Variants in UHRF2 observed in about 807,000 individuals in gnomAD.
UHRF2 encodes the protein ubiquitin like with PHD and ring finger domains 2.
In UHRF2, 23 loss-of-function variants were observed where a neutral mutation model predicts 96.8. That is an observed-to-expected ratio of 0.24 (90% CI 0.17 to 0.34). The LOEUF (loss-of-function observed/expected upper bound fraction) is 0.34. Among genes scored for constraint, UHRF2 ranks in the 10% least tolerant of loss-of-function variants. UHRF2 has a pLI of 1.00. For synonymous variants in UHRF2, 385 were observed against 332.6 expected (o/e 1.16, Z -1.72); for missense variants, 685 against 981.5 (o/e 0.70, Z 4.04).
In UHRF2 at chr9:6,426,992, C is replaced by CCTCAGGTGATCAA. The variant is rs1469898403; in HGVS notation, c.384+5852_384+5853insCAGGTGATCAACT. Among the ~76,000 whole-genome samples, 6 of 151,846 alleles carry CCTCAGGTGATCAA rather than the reference C, an allele frequency of 4.0e-5. No homozygotes were observed. In the East Asian group the frequency reaches 1.2e-3, roughly 29 times the overall value. ...TTGAACTCCTGACCTCAGGTGATCA[C>CCTCAGGTGATCAA]CTGCCTCGGCCTCCCAAAGTGCTGG... On this transcript the variant is annotated intron_variant, in intron 2 of 15. Transcript: ENST00000276893.
chr9:6,434,250 TTAAA>T (rs1285818587), intron 3 of UHRF2, 77 bp downstream of exon 3: 3 of 1,473,748 alleles, frequency 2.0e-6, no homozygotes, highest in Non-Finnish European at 2.7e-6. Flanking sequence ...CAAGATTATT[TTAAA>T]TAGTCTTTCT....
chr9:6,490,453 C>T (rs531983632), intron 9 of UHRF2, among the ~76,000 whole-genome samples: 1 of 152,252 alleles, frequency 6.6e-6, no homozygotes, highest in East Asian at 1.9e-4. Context: ...CATGATGAAA[C>T]TCCGTCTCTA....
chr9:6,466,580 A>T (rs958026826), intron 4 of UHRF2, among the ~76,000 whole-genome samples: 3 of 145,900 alleles, frequency 2.1e-5, no homozygotes, highest in African/African-American at 7.5e-5. Flanking sequence ...AAAGCTACAG[A>T]TGCATTTTAG....
At chr9:6,497,892 C>T (rs1587881315) in intron 11 of UHRF2, 126 bp from the exon 12 acceptor site, 1 of 1,200,344 alleles carries the variant, frequency 8.3e-7, no homozygotes, top group East Asian at 2.4e-5. Flanking sequence ...GACTTACTGT[C>T]CTTACAGCAA....
At chr9:6,495,468 C>G (rs865961858) in intron 10 of UHRF2, 2 of 152,214 alleles carry the variant, frequency 1.3e-5, no homozygotes, top group Non-Finnish European at 2.9e-5. Flanking sequence ...AGGCACTTTG[C>G]TCTGACCCAT....
At chr9:6,417,682 A>G (rs1292452040) in intron 1 of UHRF2, among the ~76,000 whole-genome samples, 1 of 152,190 alleles carries the variant, frequency 6.6e-6, no homozygotes, top group African/African-American at 2.4e-5. Context: ...TCTGGGTTTA[A>G]AAAGCCTGTC....
chr9:6,462,637 G>A lies in UHRF2; in HGVS notation c.863+1846G>A, dbSNP rs370001281. ...GCTTGCTATTAAAAAAAGATTTCCTGGCTGGGTGCAGTGGCTCATGCCTGT... is the reference window on the plus strand; with the variant it reads ...GCTTGCTATTAAAAAAAGATTTCCTAGCTGGGTGCAGTGGCTCATGCCTGT... On this transcript the variant is annotated intron_variant, in intron 4 of 15. Transcript: ENST00000276893. Among the ~76,000 whole-genome samples, 3 of 152,196 alleles carry A rather than the reference G, an allele frequency of 2.0e-5. No individual in the cohort carries two copies. In the East Asian group the frequency reaches 5.8e-4, roughly 29 times the overall value.
chr9:6,459,683 A>T (rs1822406863), intron 3 of UHRF2, among the ~76,000 whole-genome samples: 1 of 152,032 alleles, frequency 6.6e-6, no homozygotes, highest in African/African-American at 2.4e-5. Flanking sequence ...AACAAAACAA[A>T]AAACTTGAGG....
intron 3 of UHRF2, among the ~76,000 whole-genome samples, chr9:6,458,599 T>C (rs1326211780): frequency 6.6e-6 from 1 of 152,144 alleles, no homozygotes; most frequent in African/African-American, 2.4e-5. Flanking sequence ...TGTGAAGAAA[T>C]AGGAACGCTT....
At chr9:6,485,347 G>A (rs995559019) in intron 8 of UHRF2, among the ~76,000 whole-genome samples, 5 of 151,692 alleles carry the variant, frequency 3.3e-5, no homozygotes, top group African/African-American at 7.3e-5. Flanking sequence ...TGTCTGTCAC[G>A]TATTTATTTT....
chr9:6,455,835 C>G (rs566641251), intron 3 of UHRF2, among the ~76,000 whole-genome samples: 1 of 152,144 alleles, frequency 6.6e-6, no homozygotes, highest in African/African-American at 2.4e-5. Flanking sequence ...AGTTTTAAAA[C>G]TAGCCAGGCA....
chr9:6,486,318 G>A (rs1319656574), intron 8 of UHRF2, among the ~76,000 whole-genome samples: 1 of 152,162 alleles, frequency 6.6e-6, no homozygotes, highest in Admixed American at 6.5e-5. Context: ...GAGAAATTTA[G>A]GAGGTAAAAT....
intron 2 of UHRF2, among the ~76,000 whole-genome samples, chr9:6,426,153 G>A (rs1820250066): frequency 6.6e-6 from 1 of 152,130 alleles, no homozygotes; most frequent in South Asian, 2.1e-4. Context: ...CTCCCCAATC[G>A]AATTCGGAAG....
intron 3 of UHRF2, among the ~76,000 whole-genome samples, chr9:6,446,172 T>A (rs978907214): frequency 7.0e-5 from 10 of 142,984 alleles, no homozygotes; most frequent in Non-Finnish European, 1.1e-4. Flanking sequence ...TTTTTTTTTT[T>A]ATACAGTCTT....
chr9:6,468,757 G>C (rs776077883), intron 4 of UHRF2: 3 of 450,264 alleles, frequency 6.7e-6, no homozygotes, highest in South Asian at 4.7e-5. Context: ...GGATTTTAGG[G>C]TAACTGGTGT....
chr9:6,485,911 C>T (rs1378714269), intron 8 of UHRF2, among the ~76,000 whole-genome samples: 1 of 150,190 alleles, frequency 6.7e-6, no homozygotes, highest in Non-Finnish European at 1.5e-5. Flanking sequence ...AGAAGTGACA[C>T]TTGTTTCAGT....
At chr9:6,477,327 C>G (rs1050608280) in intron 5 of UHRF2, among the ~76,000 whole-genome samples, 8 of 151,808 alleles carry the variant, frequency 5.3e-5, no homozygotes, top group Non-Finnish European at 1.2e-4. Context: ...AAGTTTGAGA[C>G]CAGCCTGACC....
At chr9:6,421,395 G>A (rs1339215817) in intron 2 of UHRF2, among the ~76,000 whole-genome samples, 1 of 152,056 alleles carries the variant, frequency 6.6e-6, no homozygotes, top group Non-Finnish European at 1.5e-5. Context: ...GAAGTAGATT[G>A]ATTTAAAATA....
chr9:6,416,825 C>T (rs1453093037), intron 1 of UHRF2, among the ~76,000 whole-genome samples: 1 of 152,134 alleles, frequency 6.6e-6, no homozygotes, highest in African/African-American at 2.4e-5. Context: ...CCGCGCCCGG[C>T]CTAAATCTTT....
Sources: gnomAD v4.1 joint callset for allele counts (sites outside exome capture counted in the v4.1 genomes callset) on GRCh38, gnomAD v4.1.1 for gene constraint, MANE v1.5 for transcripts, NCBI Gene and HGNC (gene_info 2026-07-23, HGNC 2026-07-21) for gene names.